The following SOX6 variants were observed in gnomAD, a reference collection of about 807,000 sequenced individuals.
SOX6 encodes transcription factor SOX-6.
Under a neutral mutation model 97.8 loss-of-function variants are expected in SOX6, and 11 were observed. The ratio of observed to expected loss-of-function variants is 0.11; its 90% CI spans 0.07 to 0.19. The LOEUF (loss-of-function observed/expected upper bound fraction) is 0.19, where lower values mean the gene tolerates loss of function less well. Ranked by LOEUF, SOX6 falls within the 10% of genes least tolerant of loss-of-function variation. SOX6 has a pLI of 1.00. For synonymous variants in SOX6, 360 were observed against 371.4 expected (o/e 0.97, Z 0.35); for missense variants, 810 against 1,039.5 (o/e 0.78, Z 3.04).
intron 3 of SOX6, among the ~76,000 whole-genome samples, chr11:16,667,317 A>C (rs1847814670): frequency 6.6e-6 from 1 of 152,122 alleles, no homozygotes; most frequent in African/African-American, 2.4e-5. Context: ...GAAATACAAA[A>C]AGGTTATAGA....
intron 6 of SOX6, among the ~76,000 whole-genome samples, chr11:16,182,103 A>G (rs1447638075): frequency 1.3e-5 from 2 of 151,824 alleles, no homozygotes; most frequent in Non-Finnish European, 2.9e-5. Flanking sequence ...TATAAGTAAT[A>G]CACACTAAAA....
chr11:16,461,279 T>C (rs1859920518), intron 1 of SOX6, among the ~76,000 whole-genome samples: 1 of 152,066 alleles, frequency 6.6e-6, no homozygotes, highest in African/African-American at 2.4e-5. Flanking sequence ...ACCTGAAATT[T>C]TGCAGTAGTC....
At chr11:16,558,608 A>G (rs2133189635) in intron 4 of SOX6, among the ~76,000 whole-genome samples, 1 of 152,116 alleles carries the variant, frequency 6.6e-6, no homozygotes, top group South Asian at 2.1e-4. Flanking sequence ...GACTTCCAAC[A>G]TTCTAAATAC....
intron 2 of SOX6, among the ~76,000 whole-genome samples, chr11:16,327,395 C>A (rs939992365): frequency 6.6e-6 from 1 of 151,958 alleles, no homozygotes; most frequent in Non-Finnish European, 1.5e-5. Flanking sequence ...TAACCACTGG[C>A]ACCTTTTAAG....
intron 6 of SOX6, among the ~76,000 whole-genome samples, chr11:16,174,730 A>G (rs899568422): frequency 3.3e-5 from 5 of 151,946 alleles, no homozygotes; most frequent in Non-Finnish European, 7.4e-5. Context: ...GATTTATATG[A>G]ACAACTTTAT....
At chr11:16,409,091 T>C (rs1858742712) in intron 1 of SOX6, among the ~76,000 whole-genome samples, 1 of 152,122 alleles carries the variant, frequency 6.6e-6, no homozygotes, top group Non-Finnish European at 1.5e-5. Context: ...TGATGATCAA[T>C]ATCTTCCCTA....
chr11:16,268,792 T>C (rs117413806), intron 3 of SOX6, among the ~76,000 whole-genome samples: 2,211 of 151,242 alleles, frequency 0.015, 22 homozygotes, highest in Non-Finnish European at 0.024. Flanking sequence ...TCCCTCAAAT[T>C]TTCAGAAATT....
intron 3 of SOX6, among the ~76,000 whole-genome samples, chr11:16,701,063 G>T (rs1028724064): frequency 3.3e-5 from 5 of 152,144 alleles, no homozygotes; most frequent in African/African-American, 1.2e-4. Context: ...TTGCCTCTTA[G>T]TTACACTTAC....
chr11:16,231,400 C>A (rs1194500210), intron 4 of SOX6, among the ~76,000 whole-genome samples: 8 of 151,712 alleles, frequency 5.3e-5, no homozygotes, highest in Non-Finnish European at 4.4e-5. Flanking sequence ...CTCATTCTCA[C>A]TAATAGTCAA....
intron 3 of SOX6, among the ~76,000 whole-genome samples, chr11:16,268,400 C>G (rs1032777069): frequency 1.3e-5 from 2 of 151,036 alleles, no homozygotes; most frequent in African/African-American, 4.9e-5. Flanking sequence ...GACTATGTTG[C>G]TATATAAATA....
chr11:16,191,009 T>A (rs765438088), intron 4 of SOX6, among the ~76,000 whole-genome samples: 5 of 152,100 alleles, frequency 3.3e-5, no homozygotes, highest in Non-Finnish European at 7.4e-5. Flanking sequence ...AAATTAAACA[T>A]GAAACTTTAC....
At chr11:16,456,219 ATTTTAGTGATGGGTT>A (rs1272743867) in intron 1 of SOX6, among the ~76,000 whole-genome samples, 1 of 152,108 alleles carries the variant, frequency 6.6e-6, no homozygotes, top group Non-Finnish European at 1.5e-5. Context: ...AACTAAACTC[ATTTTAGTGATGGGTT>A]TAGTCCGTTT....
chr11:16,298,752 A>C (rs1244714047), intron 3 of SOX6, among the ~76,000 whole-genome samples: 1 of 152,068 alleles, frequency 6.6e-6, no homozygotes, highest in Non-Finnish European at 1.5e-5. Flanking sequence ...TCCTTGGAAC[A>C]CTTATGTTCT....
intron 3 of SOX6, among the ~76,000 whole-genome samples, chr11:16,648,488 T>C (rs755299998): frequency 1.1e-3 from 161 of 152,244 alleles, no homozygotes; most frequent in Non-Finnish European, 1.8e-3. Context: ...ACCCTGGACA[T>C]GTTAGGGCAA....
At chr11:16,214,595 A>G (rs1190772675) in intron 4 of SOX6, among the ~76,000 whole-genome samples, 1 of 151,950 alleles carries the variant, frequency 6.6e-6, no homozygotes, top group Non-Finnish European at 1.5e-5. Flanking sequence ...GTCAGTGTTG[A>G]TTGTCTAAAC....
chr11:16,328,365 G>A (rs1856167913), intron 2 of SOX6, among the ~76,000 whole-genome samples: 1 of 152,104 alleles, frequency 6.6e-6, no homozygotes, highest in African/African-American at 2.4e-5. Flanking sequence ...TACAATTTAT[G>A]TAAAGAAGTT....
In SOX6 at chr11:16,719,671, G is replaced by A. The variant is rs917927189; in HGVS notation, n.354-4766C>T. Reference sequence around the variant, plus strand: ...AGGTACAGTGGCTCACACCTGTAATGCCAACATTTTGGGAGGCCAAGGCCA... The same window carrying A: ...AGGTACAGTGGCTCACACCTGTAATACCAACATTTTGGGAGGCCAAGGCCA... On this transcript the variant is annotated intron_variant and non_coding_transcript_variant, in intron 2 of 5. Coordinates refer to the SOX6 transcript ENST00000524520. 2.6e-5 allele frequency among the ~76,000 whole-genome samples: 4 copies of A among 152,118 alleles called. No individual in the cohort carries two copies. In the East Asian group the frequency reaches 7.7e-4, roughly 29 times the overall value.
chr11:16,514,680 A>T (rs557853771), intron 4 of SOX6, among the ~76,000 whole-genome samples: 1 of 142,862 alleles, frequency 7.0e-6, no homozygotes, highest in Admixed American at 7.0e-5. Flanking sequence ...ATATCTCCCA[A>T]TGCTATCCCT....
At chr11:16,414,268 T>C (rs2093811180) in intron 1 of SOX6, among the ~76,000 whole-genome samples, 1 of 152,206 alleles carries the variant, frequency 6.6e-6, no homozygotes, top group Non-Finnish European at 1.5e-5. Flanking sequence ...GGATAAATAA[T>C]ACACTTCATG....
Sources: allele counts gnomAD v4.1 joint callset (sites outside exome capture counted in the v4.1 genomes callset), GRCh38; gene constraint gnomAD v4.1.1; transcripts MANE v1.5; gene names NCBI Gene and HGNC (gene_info 2026-07-23, HGNC 2026-07-21).